MACROH2A2: variants seen among roughly 807,000 people sequenced by gnomAD.
MACROH2A2 encodes core histone macro-H2A.2.
Under a neutral mutation model 37.6 loss-of-function variants are expected in MACROH2A2, and 6 were observed. The ratio of observed to expected loss-of-function variants is 0.16; its 90% CI spans 0.09 to 0.32. MACROH2A2 has a LOEUF of 0.32. Among genes scored for constraint, MACROH2A2 ranks in the 10% least tolerant of loss-of-function variants. The probability of loss-of-function intolerance (pLI) is 1.00; values close to 1 mark genes in which losing one functional copy is unlikely to be tolerated. For synonymous variants in MACROH2A2, 192 were observed against 202.7 expected, an observed-to-expected ratio of 0.95 and a Z score of 0.45; for missense variants, 290 against 485.9, an observed-to-expected ratio of 0.60 and a Z score of 3.79.
chr10:70,087,262 C>T (rs1414069692), intron 2 of MACROH2A2, among the ~76,000 whole-genome samples: 2 of 145,112 alleles, frequency 1.4e-5, no homozygotes, highest in African/African-American at 2.5e-5. Context: ...TAAACAGAAT[C>T]TCACTATGTC....
intron 2 of MACROH2A2, among the ~76,000 whole-genome samples, chr10:70,087,954 T>C (rs1330282015): frequency 6.6e-6 from 1 of 152,246 alleles, no homozygotes; most frequent in Admixed American, 6.5e-5. Context: ...ATGTCAAGTT[T>C]TTGTGATTGC....
intron 2 of MACROH2A2, among the ~76,000 whole-genome samples, chr10:70,080,904 A>AC (rs1317302239): frequency 6.7e-6 from 1 of 148,204 alleles, no homozygotes; most frequent in African/African-American, 2.5e-5. Context: ...AAAAAAAAAA[A>AC]AAAAAAAAAC....
intron 1 of MACROH2A2, among the ~76,000 whole-genome samples, chr10:70,055,420 T>C (rs2072009139): frequency 6.6e-6 from 1 of 152,230 alleles, no homozygotes; most frequent in Admixed American, 6.5e-5. Context: ...TGTTTTGTTG[T>C]TGTTTTGAGA....
At chr10:70,062,990 A>G (rs1394293697) in intron 1 of MACROH2A2, among the ~76,000 whole-genome samples, 1 of 152,136 alleles carries the variant, frequency 6.6e-6, no homozygotes, top group Non-Finnish European at 1.5e-5. Context: ...CCACCAATAA[A>G]AAATTTAACA....
chr10:70,109,387 C>T (rs1208924759), intron 8 of MACROH2A2, among the ~76,000 whole-genome samples, 180 bp downstream of exon 8: 1 of 152,230 alleles, frequency 6.6e-6, no homozygotes, highest in African/African-American at 2.4e-5. Context: ...AGCGAGCCCA[C>T]TGGCTCCTAG....
chr10:70,081,478 A>G (rs2072176234), intron 2 of MACROH2A2, among the ~76,000 whole-genome samples: 1 of 152,100 alleles, frequency 6.6e-6, no homozygotes, highest in Admixed American at 6.6e-5. Flanking sequence ...AAGGATGGCA[A>G]AGGAGGCTGA....
chr10:70,091,094 T>G (rs2072242217), intron 3 of MACROH2A2, among the ~76,000 whole-genome samples: 1 of 152,242 alleles, frequency 6.6e-6, no homozygotes, highest in South Asian at 2.1e-4. Flanking sequence ...CTGGGTCTAG[T>G]CTTTGCAATG....
intron 1 of MACROH2A2, among the ~76,000 whole-genome samples, chr10:70,062,325 A>C (rs1327263217): frequency 6.6e-6 from 1 of 152,238 alleles, no homozygotes; most frequent in African/African-American, 2.4e-5. Flanking sequence ...TTGCAATATA[A>C]AATATTCTGA....
chr10:70,094,832 G>A (rs1489872365), intron 5 of MACROH2A2, among the ~76,000 whole-genome samples: 4 of 152,154 alleles, frequency 2.6e-5, no homozygotes, highest in Admixed American at 6.5e-5. Flanking sequence ...GTCTCCAAAG[G>A]GCAAGGGAGC....
At chr10:70,104,566 T>C (rs1211079147) in intron 7 of MACROH2A2, among the ~76,000 whole-genome samples, 5 of 152,068 alleles carry the variant, frequency 3.3e-5, no homozygotes, top group African/African-American at 9.7e-5. Flanking sequence ...TCCCAGCTAC[T>C]TGGGAGGCTG....
intron 7 of MACROH2A2, among the ~76,000 whole-genome samples, chr10:70,106,565 G>A (rs1240770013): frequency 1.3e-5 from 2 of 152,110 alleles, no homozygotes; most frequent in Non-Finnish European, 2.9e-5. Flanking sequence ...GGGAGGCCGA[G>A]GTGGGTGGAT....
chr10:70,090,188 A>T (rs1466193411), intron 3 of MACROH2A2, 22 bp downstream of exon 3: 1 of 1,502,760 alleles, frequency 6.7e-7, no homozygotes, highest in Non-Finnish European at 9.3e-7. Context: ...GCCTTGAGGG[A>T]AGCCGTAGAA....
At chr10:70,079,357 T>TG (rs532290492) in intron 2 of MACROH2A2, among the ~76,000 whole-genome samples, 394 of 148,156 alleles carry the variant, frequency 2.7e-3, no homozygotes, top group African/African-American at 9.2e-3. Context: ...AGATTCAGAC[T>TG]GGGGGGGCGG....
In MACROH2A2 at chr10:70,100,190, C is replaced by T; in HGVS notation, c.689-18C>T. 1 of 1,414,428 alleles carries T rather than the reference C, an allele frequency of 7.1e-7. No homozygotes were observed. Among genetic ancestry groups the T allele is most frequent in the Non-Finnish European group, 1.0e-6 (1 of 1,000,604 alleles). 87.6% of individuals were successfully genotyped at this position (1,414,428 alleles called of 1,614,324 possible). A position where few individuals can be genotyped will look rare whatever the true frequency, so the allele number is the denominator to read the frequency against. ...TGAAAGAACAACCACAGTGGCTTCC[C>T]ATTGCTCTCCTTTGCAGGTAAAGCC... On this transcript the variant is annotated intron_variant, in intron 6 of 8. Coordinates refer to ENST00000373255, the MANE Select transcript of MACROH2A2 (RefSeq NM_018649.3).
chr10:70,067,210 G>A (rs1032371406), intron 1 of MACROH2A2, among the ~76,000 whole-genome samples: 3 of 152,044 alleles, frequency 2.0e-5, no homozygotes, highest in Non-Finnish European at 2.9e-5. Context: ...TTTCCCCTAA[G>A]CACAGTTTTT....
intron 7 of MACROH2A2, among the ~76,000 whole-genome samples, chr10:70,106,227 C>T (rs1369436885): frequency 1.3e-5 from 2 of 152,182 alleles, no homozygotes; most frequent in African/African-American, 4.8e-5. Flanking sequence ...GAATGCAGGT[C>T]TTCACCAGGC....
rs138262953 is a variant in MACROH2A2 at position 70,084,793 on chromosome 10, G to T, written c.173-5267G>T. Among the ~76,000 whole-genome samples, 234 of 152,224 alleles carry T rather than the reference G, an allele frequency of 1.5e-3. 2 individuals are homozygous for T. The highest frequency in any genetic ancestry group is 5.4e-3 in the African/African-American group (226 of 41,532). ...ATTTTTGTATTTTTTGTAAAGACGGGGTTTCGCCGTGTTGCCCAGGCTGGT... is the reference window on the plus strand; with the variant it reads ...ATTTTTGTATTTTTTGTAAAGACGGTGTTTCGCCGTGTTGCCCAGGCTGGT... On this transcript the variant is annotated intron_variant, in intron 2 of 8. Transcript: ENST00000373255.
At chr10:70,054,113 T>C (rs1157675576) in intron 1 of MACROH2A2, among the ~76,000 whole-genome samples, 1 of 152,210 alleles carries the variant, frequency 6.6e-6, no homozygotes, top group Admixed American at 6.5e-5. Context: ...GGGGCATTGG[T>C]TCCCCAAGGG....
Position 70,109,124 on chromosome 10 carries a change from T to G in MACROH2A2, c.870T>G (p.Leu290=). Residue 290 remains leucine, a synonymous_variant, in exon 8 of 9, where the codon CTT becomes CTG. Coordinates refer to ENST00000373255, the MANE Select transcript of MACROH2A2 (RefSeq NM_018649.3). The part of the protein sequence containing the change: ...QWGSDKCEEQ[L]EETIKNCLSA... Reference sequence around the variant, plus strand: ...GCTCCGACAAATGTGAAGAACAGCTTGAAGAGACCATCAAAAACTGCCTGT... The same window carrying G: ...GCTCCGACAAATGTGAAGAACAGCTGGAAGAGACCATCAAAAACTGCCTGT... 3.7e-6 allele frequency: 6 copies of G among 1,614,130 alleles called. No individual in the cohort carries two copies. The highest frequency in any genetic ancestry group is 5.1e-6 in the Non-Finnish European group (6 of 1,179,962).
Sources: gnomAD v4.1 joint callset for allele counts (sites outside exome capture counted in the v4.1 genomes callset) on GRCh38, gnomAD v4.1.1 for gene constraint, MANE v1.5 for transcripts, NCBI Gene and HGNC (gene_info 2026-07-23, HGNC 2026-07-21) for gene names.